The following CCSER1 variants were observed in gnomAD, a reference collection of about 807,000 sequenced individuals.
CCSER1 encodes the protein serine-rich coiled-coil domain-containing protein 1.
In CCSER1, 41 loss-of-function variants were observed where a neutral mutation model predicts 82.0. That is an observed-to-expected ratio of 0.50 (90% CI 0.39 to 0.65). The LOEUF is 0.65. CCSER1 is among the 30% of genes least tolerant of loss of function. The pLI is 0.00. For missense variants in CCSER1, 1,119 were observed against 1,064.2 expected, an observed-to-expected ratio of 1.05 and a Z score of -0.72; for synonymous variants, 414 against 383.9, an observed-to-expected ratio of 1.08 and a Z score of -0.92.
chr4:91,427,952 A>T (rs1267361554), intron 10 of CCSER1, among the ~76,000 whole-genome samples: 2 of 152,050 alleles, frequency 1.3e-5, no homozygotes, highest in African/African-American at 4.8e-5. Context: ...TTTAGCTCCT[A>T]ATACAAAGTC....
At chr4:90,918,217 C>G (rs1466682060) in intron 8 of CCSER1, 1 of 454,476 alleles carries the variant, frequency 2.2e-6, no homozygotes, top group Non-Finnish European at 4.4e-6. Context: ...GTGTACATTT[C>G]TTTTTATTAT....
chr4:90,271,826 T>TTA (rs1189309598), intron 1 of CCSER1, among the ~76,000 whole-genome samples: 470 of 42,814 alleles, frequency 0.011, 20 homozygotes, highest in Non-Finnish European at 0.015. Flanking sequence ...ACTGGACAAT[T>TTA]TATATATATA....
At chr4:91,098,688 T>C (rs866858416) in intron 10 of CCSER1, among the ~76,000 whole-genome samples, 7 of 152,088 alleles carry the variant, frequency 4.6e-5, no homozygotes, top group South Asian at 2.1e-4. Flanking sequence ...ACTACAGGCA[T>C]GTACCACCAC....
chr4:90,514,518 G>A (rs1394170576), intron 5 of CCSER1, among the ~76,000 whole-genome samples: 1 of 152,122 alleles, frequency 6.6e-6, no homozygotes, highest in African/African-American at 2.4e-5. Flanking sequence ...CACTTTGGGA[G>A]GCCAAGGTGG....
chr4:90,725,831 C>G (rs1203838059), intron 7 of CCSER1, among the ~76,000 whole-genome samples: 1 of 151,586 alleles, frequency 6.6e-6, no homozygotes, highest in Non-Finnish European at 1.5e-5. Flanking sequence ...CTGAAAAAGT[C>G]TAATATTATA....
intron 10 of CCSER1, among the ~76,000 whole-genome samples, chr4:91,443,409 A>T (rs1755330988): frequency 6.6e-6 from 1 of 151,008 alleles, no homozygotes; most frequent in Non-Finnish European, 1.5e-5. Flanking sequence ...GCAAGGACAA[A>T]AAACCAAACA....
chr4:90,280,340 C>T (rs181024334), intron 1 of CCSER1, among the ~76,000 whole-genome samples: 4 of 152,006 alleles, frequency 2.6e-5, no homozygotes, highest in Admixed American at 1.3e-4. Flanking sequence ...TCCTTCTTCT[C>T]TCCCTTCCTC....
intron 1 of CCSER1, among the ~76,000 whole-genome samples, chr4:90,161,162 T>A (rs889028505): frequency 6.6e-6 from 1 of 152,162 alleles, no homozygotes; most frequent in Non-Finnish European, 1.5e-5. Context: ...AATTTTCTCT[T>A]ATATGTTTGC....
intron 10 of CCSER1, among the ~76,000 whole-genome samples, chr4:91,356,891 A>G (rs563571136): frequency 1.2e-4 from 18 of 152,268 alleles, no homozygotes; most frequent in African/African-American, 4.1e-4. Context: ...CAGGCTGTAG[A>G]ATCCTGGAAA....
chr4:91,087,187 A>G (rs1723475417), intron 10 of CCSER1, among the ~76,000 whole-genome samples: 1 of 152,106 alleles, frequency 6.6e-6, no homozygotes, highest in African/African-American at 2.4e-5. Context: ...TCCGAGCAGT[A>G]CTGCTACAAT....
chr4:90,341,756 A>G (rs932202715), intron 3 of CCSER1, among the ~76,000 whole-genome samples: 1 of 152,176 alleles, frequency 6.6e-6, no homozygotes, highest in Non-Finnish European at 1.5e-5. Context: ...CACCAAATAC[A>G]GTTAATAAAT....
In CCSER1 at chr4:90,469,955, C is replaced by T. The variant is rs948571608; in HGVS notation, c.1724+1601C>T. Among the ~76,000 whole-genome samples, 10 of 152,214 alleles carry T rather than the reference C, an allele frequency of 6.6e-5. No individual in the cohort carries two copies. In the South Asian group the frequency reaches 1.0e-3, roughly 16 times the overall value. On this transcript the variant is annotated intron_variant, in intron 5 of 10. Transcript: ENST00000509176. The stretch of plus-strand genomic sequence containing the variant: ...CAAAAATATGAAATTTGAAATGGAA[C>T]ATGAGCATTTTCTTTGATTGTCAAG...
chr4:90,661,262 ATTTACAATAGTTGGCAG>A (rs1185120224), intron 6 of CCSER1, among the ~76,000 whole-genome samples: 5 of 152,142 alleles, frequency 3.3e-5, no homozygotes, highest in African/African-American at 4.8e-5. Flanking sequence ...CTGCTTTAGT[ATTTACAATAGTTGGCAG>A]TCATGAAGGT....
chr4:91,533,339 C>G (rs563306041), intron 10 of CCSER1, among the ~76,000 whole-genome samples: 45 of 152,212 alleles, frequency 3.0e-4, no homozygotes, highest in African/African-American at 9.9e-4. Context: ...ATAAAACAAG[C>G]CATAAGTTTT....
intron 7 of CCSER1, chr4:90,780,569 C>T (rs2271592): frequency 0.57 from 873,830 of 1,534,460 alleles, 250,734 homozygotes; most frequent in East Asian, 0.69. Flanking sequence ...AAGACTCTTT[C>T]CATCCAGTTC....
intron 5 of CCSER1, among the ~76,000 whole-genome samples, chr4:90,576,320 A>C (rs1438521141): frequency 2.6e-5 from 4 of 152,150 alleles, no homozygotes; most frequent in Non-Finnish European, 4.4e-5. Context: ...TCCCACTACC[A>C]ACATCTGGCA....
intron 1 of CCSER1, among the ~76,000 whole-genome samples, chr4:90,189,532 G>A (rs1735230368): frequency 6.6e-6 from 1 of 151,570 alleles, no homozygotes; most frequent in Admixed American, 6.6e-5. Context: ...GTGTATGTAT[G>A]TATATATATA....
intron 1 of CCSER1, among the ~76,000 whole-genome samples, chr4:90,188,890 A>G (rs565848671): frequency 1.6e-4 from 25 of 152,132 alleles, no homozygotes; most frequent in African/African-American, 6.0e-4. Flanking sequence ...TTACTATGGG[A>G]ATAGAAAAAA....
intron 10 of CCSER1, among the ~76,000 whole-genome samples, chr4:91,562,483 T>C (rs535363588): frequency 4.4e-4 from 66 of 151,694 alleles, no homozygotes; most frequent in Admixed American, 1.5e-3. Flanking sequence ...ATGTTCTACC[T>C]CTTGCAAACA....
Sources: gnomAD v4.1 joint callset for allele counts (sites outside exome capture counted in the v4.1 genomes callset) on GRCh38, gnomAD v4.1.1 for gene constraint, MANE v1.5 for transcripts, NCBI Gene and HGNC (gene_info 2026-07-23, HGNC 2026-07-21) for gene names.